Variants in SPRY3 observed in about 807,000 individuals in gnomAD.
The protein encoded by SPRY3 is sprouty RTK signaling antagonist 3, also known as protein sprouty homolog 3.
Under a neutral mutation model 20.2 loss-of-function variants are expected in SPRY3, and 15 were observed. That is an observed-to-expected ratio of 0.74 (90% CI 0.50 to 1.14). The LOEUF (loss-of-function observed/expected upper bound fraction) is 1.14. SPRY3 is among the 50% of genes most tolerant of loss of function. The probability of loss-of-function intolerance (pLI) is 0.00; values close to 1 mark genes in which losing one functional copy is unlikely to be tolerated. For synonymous variants in SPRY3, 143 were observed against 136.5 expected (o/e 1.05, Z -0.33); for missense variants, 364 against 363.9 (o/e 1.00, Z 0.00).
At chrX:155,648,070 T>C (rs1557352020) in intron 1 of SPRY3, among the ~76,000 whole-genome samples, 1 of 112,610 alleles carries the variant, frequency 8.9e-6, no homozygotes, top group African/African-American at 3.2e-5. Flanking sequence ...GATGAGCTTT[T>C]TTTATATGTT....
At chrX:155,741,285 G>A (rs1185527317) in intron 2 of SPRY3, among the ~76,000 whole-genome samples, 1 of 151,906 alleles carries the variant, frequency 6.6e-6, no homozygotes, top group Non-Finnish European at 1.5e-5. Flanking sequence ...AAATAAGACA[G>A]GTGGACAAGA....
intron 2 of SPRY3, among the ~76,000 whole-genome samples, chrX:155,692,259 A>T (rs1202860204): frequency 9.2e-6 from 1 of 109,243 alleles, no homozygotes; most frequent in African/African-American, 3.3e-5. Flanking sequence ...GTCAATGTTC[A>T]TTTTTTTTTC....
chrX:155,703,936 A>C (rs1319678396), intron 2 of SPRY3, among the ~76,000 whole-genome samples: 8 of 151,866 alleles, frequency 5.3e-5, no homozygotes, highest in Non-Finnish European at 1.2e-4. Context: ...TGGTTCACTG[A>C]TGGTAACCAT....
intron 2 of SPRY3, among the ~76,000 whole-genome samples, chrX:155,659,670 T>A (rs1243929645): frequency 9.0e-6 from 1 of 111,588 alleles, no homozygotes; most frequent in East Asian, 2.8e-4. Context: ...CCAGCCTTTT[T>A]TGAGGGAAAG....
chrX:155,712,908 G>T (rs919219551), intron 2 of SPRY3, among the ~76,000 whole-genome samples: 2 of 151,868 alleles, frequency 1.3e-5, no homozygotes, highest in Admixed American at 6.6e-5. Context: ...ATTTTAAACT[G>T]CTGACAATTT....
At chrX:155,614,385 C>G (rs2067843754) in intron 1 of SPRY3, among the ~76,000 whole-genome samples, 1 of 112,029 alleles carries the variant, frequency 8.9e-6, no homozygotes, top group African/African-American at 3.2e-5. Flanking sequence ...GAAATCAACA[C>G]AAAGTACTCA....
chrX:155,774,576 GTGC>G (rs752408871), exon 4 of SPRY3: 77 of 1,613,854 alleles, frequency 4.8e-5, no homozygotes, highest in Non-Finnish European at 6.4e-5. Flanking sequence ...TACCCTGCCT[GTGC>G]TGCTACCTGC....
chrX:155,718,665 G>C (rs931525082), intron 2 of SPRY3, among the ~76,000 whole-genome samples: 2 of 151,946 alleles, frequency 1.3e-5, no homozygotes, highest in Non-Finnish European at 2.9e-5. Flanking sequence ...ATGGATAAAA[G>C]TGTTTGAACA....
chrX:155,710,581 C>T (rs1347327370), intron 2 of SPRY3, among the ~76,000 whole-genome samples: 3 of 151,540 alleles, frequency 2.0e-5, no homozygotes, highest in Admixed American at 2.0e-4. Flanking sequence ...TAGGTTTTTC[C>T]AAATATAAGA....
chrX:155,613,840 G>C (rs1358675919), intron 1 of SPRY3, among the ~76,000 whole-genome samples: 1 of 110,953 alleles, frequency 9.0e-6, no homozygotes, highest in Non-Finnish European at 1.9e-5. Flanking sequence ...AATGGATCTC[G>C]TACAGGCCTC....
At chrX:155,775,884 G>A (rs952650877) in exon 4 of SPRY3, 3 of 167,044 alleles carry the variant, frequency 1.8e-5, no homozygotes, top group Admixed American at 1.3e-4. Flanking sequence ...GTCATAAAAC[G>A]TTAGAGCTGG....
chrX:155,666,643 G>A (rs929584180), intron 2 of SPRY3, among the ~76,000 whole-genome samples: 1 of 111,519 alleles, frequency 9.0e-6, no homozygotes, highest in African/African-American at 3.3e-5. Flanking sequence ...TGCTAACAAT[G>A]GTAACAACGG....
intron 1 of SPRY3, among the ~76,000 whole-genome samples, chrX:155,620,357 G>A: frequency 9.0e-6 from 1 of 111,423 alleles, no homozygotes; most frequent in Admixed American, 9.6e-5. Context: ...ATTTACCCAA[G>A]AGAAATGGAA....
At position 155,697,005 on chromosome X, in the gene SPRY3, T is replaced by A. The variant is rs768736133; in HGVS notation, c.-282+39980T>A. Among the ~76,000 whole-genome samples the A allele has an allele frequency of 3.6e-5, 4 of 111,665 alleles. No individual in the cohort carries two copies. The South Asian group carries it at 1.5e-3, about 42-fold the overall frequency. ...CACTATTCTAAGTGCTTTATGCATA[T>A]CATCTCATTTAATCCTCACAGTAGT... On this transcript the variant is annotated intron_variant, in intron 2 of 3. Transcript: ENST00000675360.
intron 2 of SPRY3, among the ~76,000 whole-genome samples, chrX:155,711,350 A>T (rs1325681662): frequency 6.6e-6 from 1 of 151,762 alleles, no homozygotes; most frequent in Non-Finnish European, 1.5e-5. Flanking sequence ...TGGTCTGTTC[A>T]GGTTTTGGAT....
chrX:155,631,324 AT>A (rs1330251223), intron 1 of SPRY3, among the ~76,000 whole-genome samples: 3 of 111,608 alleles, frequency 2.7e-5, no homozygotes, highest in East Asian at 2.8e-4. Context: ...TATGTACTGT[AT>A]TTTTTTTATC....
intron 2 of SPRY3, among the ~76,000 whole-genome samples, chrX:155,750,806 C>T (rs1346036680): frequency 1.3e-5 from 2 of 151,764 alleles, no homozygotes; most frequent in Non-Finnish European, 2.9e-5. Flanking sequence ...GAAAAGTCCA[C>T]TTGAGGTTAA....
chrX:155,772,457 A>G (rs2091386838), intron 3 of SPRY3, among the ~76,000 whole-genome samples: 1 of 152,140 alleles, frequency 6.6e-6, no homozygotes, highest in African/African-American at 2.4e-5. Context: ...CATCACATAC[A>G]GTAGTGTGAG....
chrX:155,773,307 G>GTTTTATATATATATATATAT (rs4013148), intron 3 of SPRY3, among the ~76,000 whole-genome samples: 2 of 120,718 alleles, frequency 1.7e-5, no homozygotes, highest in African/African-American at 3.1e-5. Flanking sequence ...ATTTTGATTG[G>GTTTTATATATATATATATAT]ATATATATAT....
Sources: gnomAD v4.1 joint callset for allele counts (sites outside exome capture counted in the v4.1 genomes callset) on GRCh38, gnomAD v4.1.1 for gene constraint, MANE v1.5 for transcripts, NCBI Gene and HGNC (gene_info 2026-07-23, HGNC 2026-07-21) for gene names.